Variants in HDAC1 observed in about 807,000 individuals in gnomAD.
HDAC1 encodes protein deacetylase HDAC1.
A neutral mutation model predicts 65.5 loss-of-function variants in HDAC1; 18 were observed. The ratio of observed to expected loss-of-function variants is 0.27; its 90% CI spans 0.19 to 0.41. The LOEUF (loss-of-function observed/expected upper bound fraction) is 0.41. Ranked by LOEUF, HDAC1 falls within the 10% of genes least tolerant of loss-of-function variation. The probability of loss-of-function intolerance (pLI) is 1.00; values close to 1 mark genes in which losing one functional copy is unlikely to be tolerated. For missense variants in HDAC1, 373 were observed against 625.2 expected (o/e 0.60, Z 4.30); for synonymous variants, 211 against 227.9 (o/e 0.93, Z 0.67).
intron 2 of HDAC1, among the ~76,000 whole-genome samples, chr1:32,307,168 C>A (rs947187327): frequency 6.6e-6 from 1 of 152,154 alleles, no homozygotes; most frequent in Admixed American, 6.6e-5. Context: ...TCATTTGAAC[C>A]TGGGAGGCAG....
At chr1:32,293,688 G>C (rs1248720102) in intron 1 of HDAC1, among the ~76,000 whole-genome samples, 1 of 152,062 alleles carries the variant, frequency 6.6e-6, no homozygotes, top group East Asian at 1.9e-4. Context: ...CGGATCATGA[G>C]GTCAGGAGTT....
chr1:32,295,334 G>A (rs903585148), intron 1 of HDAC1, among the ~76,000 whole-genome samples: 1 of 151,924 alleles, frequency 6.6e-6, no homozygotes, highest in African/African-American at 2.4e-5. Flanking sequence ...CTGGGAGGTC[G>A]ACTCTGCAGT....
Position 32,331,854 on chromosome 1 carries a change from C to G in HDAC1, c.1219+48C>G. 1 of 1,554,472 alleles carries G rather than the reference C, an allele frequency of 6.4e-7. No individual in the cohort carries two copies. The highest frequency in any genetic ancestry group is 8.7e-7 in the Non-Finnish European group (1 of 1,148,102). ...TATGCCTTCCATTCAATAGGCAGCT[C>G]ACACTTCCACCACCATTCCTGGCTG... On this transcript the variant is annotated intron_variant, in intron 11 of 13. Transcript: ENST00000373548. This position sits in a 1 kb window ranked among gnomAD's most constrained non-coding sequence, Gnocchi z 4.2.
intron 1 of HDAC1, among the ~76,000 whole-genome samples, chr1:32,293,759 G>A (rs1401760968): frequency 4.6e-5 from 7 of 151,920 alleles, no homozygotes; most frequent in South Asian, 2.1e-4. Context: ...AAAATTACCC[G>A]GGTGTGGTGG....
chr1:32,292,336 G>A (rs1488138259), intron 1 of HDAC1, 118 bp downstream of exon 1: 9 of 1,516,030 alleles, frequency 5.9e-6, no homozygotes, highest in Non-Finnish European at 8.8e-7. Context: ...GGAGAGGCTC[G>A]GAGAGGAGGC....
intron 3 of HDAC1, among the ~76,000 whole-genome samples, chr1:32,318,289 G>T (rs1364371362): frequency 6.6e-6 from 1 of 152,206 alleles, no homozygotes; most frequent in African/African-American, 2.4e-5. Context: ...AGGCACAGCG[G>T]TTCATGCCTG....
chr1:32,316,745 A>G lies in HDAC1; in HGVS notation c.243A>G (p.Pro81=), dbSNP rs1378013206. ...DYIKFLRSIR[P]DNMSEYSKQM... ...TTAAATTCTTGCGCTCCATCCGTCC[A>G]GATAACATGTCGGAGTACAGCAAGC... is the stretch of plus-strand genomic sequence containing the variant. The change falls in exon 3 of 14, where the codon CCA becomes CCG. Residue 81 remains proline (P), a synonymous_variant. Transcript: ENST00000373548. The G allele has an allele frequency of 1.9e-6, 3 of 1,613,162 alleles. No individual in the cohort carries two copies. The highest frequency in any genetic ancestry group is 1.7e-6 in the Non-Finnish European group (2 of 1,179,192).
intron 3 of HDAC1, among the ~76,000 whole-genome samples, chr1:32,321,945 T>C (rs1432052017): frequency 1.3e-5 from 2 of 152,122 alleles, no homozygotes; most frequent in Non-Finnish European, 1.5e-5. Flanking sequence ...ACCCAGGAAG[T>C]GAGGAAGAGA....
intron 13 of HDAC1, 95 bp from the exon 14 acceptor site, chr1:32,332,922 G>C: frequency 7.4e-7 from 1 of 1,354,244 alleles, no homozygotes; most frequent in East Asian, 2.4e-5. Flanking sequence ...CCAGCCCCCA[G>C]TAGTCACCTA....
Position 32,333,224 on chromosome 1 carries a change from G to A in HDAC1, c.*180G>A, listed in dbSNP as rs1447905327. The stretch of plus-strand genomic sequence containing the variant: ...AGCTGTGCTGGGTGAGCTCTTCCAG[G>A]AGCCACCTTGCCACCCATTCTTCCC... On this transcript the variant is annotated 3_prime_UTR_variant, in exon 14 of 14. Transcript: ENST00000373548. The A allele has an allele frequency of 2.0e-6, 1 of 492,360 alleles. No individual in the cohort carries two copies. Among genetic ancestry groups the A allele is most frequent in the Non-Finnish European group, 3.6e-6 (1 of 279,356 alleles). The allele number at this position is 492,360 out of a possible 1,614,324, so 30.5% of individuals were successfully genotyped here.
chr1:32,326,119 G>C (rs935138483), intron 4 of HDAC1, among the ~76,000 whole-genome samples: 1 of 152,086 alleles, frequency 6.6e-6, no homozygotes, highest in African/African-American at 2.4e-5. Flanking sequence ...ATTCGTGCTA[G>C]TGCTTTTTGA....
In HDAC1 at chr1:32,325,936, AG is replaced by A. The variant is rs1263404568; in HGVS notation, c.356-1002del. On this transcript the variant is annotated intron_variant, in intron 4 of 13. Coordinates refer to ENST00000373548, the MANE Select transcript of HDAC1 (RefSeq NM_004964.3). ...CAGCTACTTGGGAGGCTGAGGCAGG[AG>A]AATTGCTTGAACCTGGGAGGCGGAG... 2.0e-5 allele frequency among the ~76,000 whole-genome samples: 3 copies of A among 151,922 alleles called. No individual in the cohort carries two copies. In the East Asian group the frequency reaches 5.9e-4, roughly 30 times the overall value.
In HDAC1 at chr1:32,330,473, A is replaced by G. The variant is rs1641276360; in HGVS notation, c.730-105A>G. ...TTCTCTCCCACATAGCATGAGGGAG[A>G]GTGGAAAGGTAGGAGTGGGTGGGAA... On this transcript the variant is annotated intron_variant, in intron 7 of 13. Transcript: ENST00000373548. The surrounding 1 kb of genome is among the most constrained non-coding windows in gnomAD (Gnocchi z 4.2). The G allele has an allele frequency of 1.3e-6, 1 of 776,810 alleles. No individual in the cohort carries two copies. 48.1% of individuals were successfully genotyped at this position (776,810 alleles called of 1,614,324 possible). A position where few individuals can be genotyped will look rare whatever the true frequency, so the allele number is the denominator to read the frequency against.
intron 12 of HDAC1, 129 bp from the exon 13 acceptor site, chr1:32,332,572 G>A: frequency 1.4e-6 from 1 of 721,152 alleles, no homozygotes; most frequent in South Asian, 1.8e-5. Context: ...GGGAGGACCA[G>A]GGATGGGCTT....
At chr1:32,298,790 G>C (rs927234814) in intron 1 of HDAC1, among the ~76,000 whole-genome samples, 8 of 151,944 alleles carry the variant, frequency 5.3e-5, no homozygotes, top group African/African-American at 1.7e-4. Flanking sequence ...TTGAGGTCAG[G>C]AGTTCAAGAC....
chr1:32,293,674 C>T (rs1007354146), intron 1 of HDAC1, among the ~76,000 whole-genome samples: 2 of 151,956 alleles, frequency 1.3e-5, no homozygotes, highest in Non-Finnish European at 2.9e-5. Context: ...GAGGCTGAGG[C>T]GGGCGGATCA....
chr1:32,327,509 A>G lies in HDAC1; in HGVS notation c.495-27A>G. On this transcript the variant is annotated intron_variant, in intron 5 of 13. Coordinates refer to ENST00000373548, the MANE Select transcript of HDAC1 (RefSeq NM_004964.3). The surrounding 1 kb of genome is among the most constrained non-coding windows in gnomAD (Gnocchi z 6.0). ...CACGTCCCATCCCCAAAGAGCCCCC[A>G]GACCCCTGACCCCCTTCTGATCCTA... 2 of 1,507,716 alleles carry G rather than the reference A, an allele frequency of 1.3e-6. No homozygotes were observed. The highest frequency in any genetic ancestry group is 1.8e-6 in the Non-Finnish European group (2 of 1,097,228). 93.4% of individuals were successfully genotyped at this position (1,507,716 alleles called of 1,614,324 possible). A position where few individuals can be genotyped will look rare whatever the true frequency, so the allele number is the denominator to read the frequency against.
chr1:32,331,724 C>T lies in HDAC1; in HGVS notation c.1137C>T (p.Val379=), dbSNP rs1140660. ...GAATGCTGCCGCACGCACCTGGGGT[C>T]CAAATGCAGGCGATTCCTGAGGACG... is the stretch of plus-strand genomic sequence containing the variant. ...NLRMLPHAPG[V]QMQAIPEDAI... is the part of the protein sequence containing the mutation. Residue 379 remains valine (V), a synonymous_variant, in exon 11 of 14, where the codon GTC becomes GTT. Coordinates refer to ENST00000373548, the MANE Select transcript of HDAC1 (RefSeq NM_004964.3). This position sits in a 1 kb window ranked among gnomAD's most constrained non-coding sequence, Gnocchi z 4.2. 1.9e-6 allele frequency: 3 copies of T among 1,613,996 alleles called. No individual in the cohort carries two copies. The highest frequency in any genetic ancestry group is 2.7e-5 in the African/African-American group (2 of 74,880).
chr1:32,325,588 C>T (rs951435903), intron 4 of HDAC1, among the ~76,000 whole-genome samples: 10 of 152,144 alleles, frequency 6.6e-5, no homozygotes, highest in African/African-American at 2.2e-4. Context: ...CCTGCATTTC[C>T]TACTTAACGA....
Sources: gnomAD v4.1 joint callset for allele counts (sites outside exome capture counted in the v4.1 genomes callset) on GRCh38, gnomAD v4.1.1 for gene constraint, Gnocchi (gnomAD v3.1) non-coding constraint, MANE v1.5 for transcripts, NCBI Gene and HGNC (gene_info 2026-07-23, HGNC 2026-07-21) for gene names.